Variants in KIF1B observed in about 807,000 individuals in gnomAD.
The protein encoded by KIF1B is kinesin-like protein KIF1B.
KIF1B carries 76 observed loss-of-function variants against 241.9 expected under a neutral mutation model. The observed-to-expected ratio is 0.31, with a 90% confidence interval of 0.26 to 0.38. The LOEUF is 0.38. Among genes scored for constraint, KIF1B ranks in the 10% least tolerant of loss-of-function variants. The pLI, the probability that KIF1B is intolerant of heterozygous loss-of-function variation, is 1.00. For synonymous variants in KIF1B, 750 were observed against 796.7 expected (o/e 0.94, Z 0.99); for missense variants, 1,622 against 2,271.4 (o/e 0.71, Z 5.81).
chr1:10,370,480 CTT>C (rs1638698297), intron 44 of KIF1B, among the ~76,000 whole-genome samples: 1 of 151,876 alleles, frequency 6.6e-6, no homozygotes, highest in Non-Finnish European at 1.5e-5. Flanking sequence ...GGGAGGATCA[CTT>C]GAGTCCTGGA....
intron 5 of KIF1B, among the ~76,000 whole-genome samples, chr1:10,265,283 G>A (rs1003218527): frequency 1.3e-5 from 2 of 151,424 alleles, no homozygotes; most frequent in Non-Finnish European, 2.9e-5. Context: ...CACCCAGGCT[G>A]GAGTGCAGTG....
rs181091240 is a variant in KIF1B at position 10,267,317 on chromosome 1, C to T, written c.430-63C>T. On this transcript the variant is annotated intron_variant, in intron 5 of 48. Transcript: ENST00000676179. ...TGCTGGGATTACAGGCGTGAGCCAC[C>T]GCGCCCGGCTTCTGTATGTGATTTC... 302 of 1,482,090 alleles carry T rather than the reference C, an allele frequency of 2.0e-4. 2 individuals are homozygous for T. The East Asian group carries it at 6.1e-3, about 30-fold the overall frequency. 91.8% of individuals were successfully genotyped at this position (1,482,090 alleles called of 1,614,324 possible). A position where few individuals can be genotyped will look rare whatever the true frequency, so the allele number is the denominator to read the frequency against.
chr1:10,379,249 T>C lies in KIF1B; in HGVS notation c.*2662T>C, dbSNP rs1638963357. ...TGACTTTTGTTTTTCTTCTAACTCA[T>C]ACAAAACTGGTTTGGAAAGTCTTTG... is the stretch of plus-strand genomic sequence containing the variant. On this transcript the variant is annotated 3_prime_UTR_variant, in exon 49 of 49. Transcript: ENST00000676179. 1 of 231,812 alleles carries C rather than the reference T, an allele frequency of 4.3e-6. No individual in the cohort carries two copies. The highest frequency in any genetic ancestry group is 1.8e-4 in the South Asian group (1 of 5,526). The allele number at this position is 231,812 out of a possible 1,614,324, so 14.4% of individuals were successfully genotyped here.
chr1:10,313,222 C>T (rs548681788), intron 22 of KIF1B, among the ~76,000 whole-genome samples: 39 of 151,372 alleles, frequency 2.6e-4, no homozygotes, highest in Admixed American at 3.9e-4. Context: ...CACGCCACCA[C>T]GCCCTACTTA....
chr1:10,377,428 G>T lies in KIF1B; in HGVS notation c.*841G>T, dbSNP rs574336747. The T allele has an allele frequency of 1.8e-5, 4 of 227,184 alleles. No individual in the cohort carries two copies. The highest frequency in any genetic ancestry group is 3.5e-5 in the Non-Finnish European group (4 of 114,334). 14.1% of individuals were successfully genotyped at this position (227,184 alleles called of 1,614,324 possible). A position where few individuals can be genotyped will look rare whatever the true frequency, so the allele number is the denominator to read the frequency against. On this transcript the variant is annotated 3_prime_UTR_variant, in exon 49 of 49. Coordinates refer to ENST00000676179, the MANE Select transcript of KIF1B (RefSeq NM_001365951.3). ...CCGTGGGCCGTGATGGCAGCAGGCG[G>T]TGGGATGCTTGTAGCTCCTCACAGC...
chr1:10,325,778 G>A (rs908664589), intron 26 of KIF1B, among the ~76,000 whole-genome samples: 4 of 152,150 alleles, frequency 2.6e-5, no homozygotes, highest in Non-Finnish European at 4.4e-5. Flanking sequence ...TTGATGTTGA[G>A]TGGGTCCTTT....
intron 39 of KIF1B, 63 bp from the exon 40 acceptor site, chr1:10,361,629 G>A: frequency 6.2e-7 from 1 of 1,601,440 alleles, no homozygotes; most frequent in Non-Finnish European, 8.5e-7. Flanking sequence ...ATACGTTCGT[G>A]TATAGACTCT....
At chr1:10,251,300 G>A (rs1454765418) in intron 2 of KIF1B, among the ~76,000 whole-genome samples, 4 of 151,790 alleles carry the variant, frequency 2.6e-5, no homozygotes, top group African/African-American at 9.7e-5. Flanking sequence ...GTGAATTGAG[G>A]AAGTTAACTC....
rs1638915411 is a variant in KIF1B at position 10,377,287 on chromosome 1, TAGAG to T, written c.*703_*706del. Reference sequence around the variant, plus strand: ...TAATTATGGAATTTTTATTTACTGGTAGAGAGGAGACGAGAGGCTTTTTCAGTGG... The same window carrying T: ...TAATTATGGAATTTTTATTTACTGGTAGGAGACGAGAGGCTTTTTCAGTGG... On this transcript the variant is annotated 3_prime_UTR_variant, in exon 49 of 49. Transcript: ENST00000676179. The T allele has an allele frequency of 4.4e-6, 1 of 228,788 alleles. No homozygotes were observed. Among genetic ancestry groups the T allele is most frequent in the African/African-American group, 2.2e-5 (1 of 45,006 alleles). The allele number at this position is 228,788 out of a possible 1,614,324, so 14.2% of individuals were successfully genotyped here.
chr1:10,355,549 C>T (rs968400759), intron 38 of KIF1B, among the ~76,000 whole-genome samples: 2 of 152,108 alleles, frequency 1.3e-5, no homozygotes, highest in African/African-American at 2.4e-5. Context: ...CCCTAAGAAG[C>T]GTATAGCTTC....
intron 2 of KIF1B, among the ~76,000 whole-genome samples, chr1:10,240,790 C>G (rs766740739): frequency 7.2e-6 from 1 of 139,400 alleles, no homozygotes; most frequent in Non-Finnish European, 1.5e-5. Context: ...TCTTGAATTC[C>G]TGGCCCCAAG....
At chr1:10,288,887 G>A (rs1649846124) in intron 15 of KIF1B, among the ~76,000 whole-genome samples, 1 of 152,008 alleles carries the variant, frequency 6.6e-6, no homozygotes, top group African/African-American at 2.4e-5. Context: ...TAATATTCTG[G>A]AAGTCCAAGA....
intron 7 of KIF1B, 132 bp downstream of exon 7, chr1:10,268,395 A>C: frequency 1.4e-6 from 1 of 707,942 alleles, no homozygotes; most frequent in South Asian, 1.5e-5. Context: ...AGGGTGTTTT[A>C]TACCTCTGCT....
intron 25 of KIF1B, 47 bp from the exon 26 acceptor site, chr1:10,324,711 T>C (rs1486862655): frequency 6.2e-7 from 1 of 1,606,864 alleles, no homozygotes; most frequent in Admixed American, 1.7e-5. Flanking sequence ...GAAAGTTTAA[T>C]GCAATCTCAT....
chr1:10,305,521 A>G (rs1368718979), intron 22 of KIF1B: 1 of 1,060,134 alleles, frequency 9.4e-7, no homozygotes, highest in Non-Finnish European at 1.1e-6. Flanking sequence ...AAGAGGTGGG[A>G]CAGACATGGG....
Position 10,268,221 on chromosome 1 carries a change from C to T in KIF1B, c.678C>T (p.Thr226=). 6.2e-7 allele frequency: 1 copy of T among 1,613,670 alleles called. No individual in the cohort carries two copies. The highest frequency in any genetic ancestry group is 8.5e-7 in the Non-Finnish European group (1 of 1,179,696). The change falls in exon 7 of 49, where the codon ACC becomes ACT. Residue 226 remains threonine, a synonymous_variant. Coordinates refer to ENST00000676179, the MANE Select transcript of KIF1B (RefSeq NM_001365951.3). The stretch of plus-strand genomic sequence containing the variant: ...ACGCTGTGTTTACGATTGTTTTCAC[C>T]CAGAAGAAACACGATAATGAGACCA... ...RSHAVFTIVF[T]QKKHDNETNL...
At chr1:10,321,579 AAAC>A in intron 23 of KIF1B, 127 bp from the exon 24 acceptor site, 1 of 939,094 alleles carries the variant, frequency 1.1e-6, no homozygotes. Flanking sequence ...TACTAAAAAG[AAAC>A]AAAAGCAGCT....
chr1:10,279,176 A>C lies in KIF1B; in HGVS notation c.1222+38A>C. ...CATATTGGTTATTTCCAGTACTCTGACTTGCTAATCTGCCTCTGCTGGATC... is the reference window on the plus strand; with the variant it reads ...CATATTGGTTATTTCCAGTACTCTGCCTTGCTAATCTGCCTCTGCTGGATC... On this transcript the variant is annotated intron_variant, in intron 14 of 48. Coordinates refer to ENST00000676179, the MANE Select transcript of KIF1B (RefSeq NM_001365951.3). 2.1e-6 allele frequency: 3 copies of C among 1,398,768 alleles called. No homozygotes were observed. The South Asian group carries it at 3.7e-5, about 17-fold the overall frequency. The allele number at this position is 1,398,768 out of a possible 1,614,324, so 86.6% of individuals were successfully genotyped here. A position where few individuals can be genotyped will look rare whatever the true frequency, so the allele number is the denominator to read the frequency against.
chr1:10,309,044 T>C (rs1403200139), intron 22 of KIF1B, among the ~76,000 whole-genome samples: 1 of 152,224 alleles, frequency 6.6e-6, no homozygotes, highest in Non-Finnish European at 1.5e-5. Flanking sequence ...TCCTTTAACC[T>C]CTGCTTTTCT....
Sources: allele counts gnomAD v4.1 joint callset (sites outside exome capture counted in the v4.1 genomes callset), GRCh38; gene constraint gnomAD v4.1.1; transcripts MANE v1.5; gene names NCBI Gene and HGNC (gene_info 2026-07-23, HGNC 2026-07-21).